The following SGCE variants were observed in gnomAD, a reference collection of about 807,000 sequenced individuals.
SGCE encodes the protein epsilon-sarcoglycan.
Under a neutral mutation model 57.8 loss-of-function variants are expected in SGCE, and 26 were observed. That is an observed-to-expected ratio of 0.45 (90% CI 0.33 to 0.62). The LOEUF is 0.62. Ranked by LOEUF, SGCE falls within the 20% of genes least tolerant of loss-of-function variation. SGCE has a pLI of 0.02. For missense variants in SGCE, 468 were observed against 548.6 expected (o/e 0.85, Z 1.47); for synonymous variants, 183 against 189.5 (o/e 0.97, Z 0.28).
At chr7:94,600,364 AAAAT>A in intron 7 of SGCE, 1 of 376,728 alleles carries the variant, frequency 2.7e-6, no homozygotes, top group Admixed American at 4.3e-5. Context: ...TTGTATAACC[AAAAT>A]ATCTAGCCTC....
intron 6 of SGCE, among the ~76,000 whole-genome samples, chr7:94,602,280 A>G (rs1799383284): frequency 6.6e-6 from 1 of 152,122 alleles, no homozygotes; most frequent in Non-Finnish European, 1.5e-5. Context: ...ATTTTACTTG[A>G]TTTAGGAAGG....
rs548775423 is a variant in SGCE at position 94,647,529 on chromosome 7, T to C, written c.109+8461A>G. Among the ~76,000 whole-genome samples the C allele has an allele frequency of 9.8e-5, 15 of 152,360 alleles. No individual in the cohort carries two copies. The South Asian group carries it at 1.2e-3, about 13-fold the overall frequency. On this transcript the variant is annotated intron_variant, in intron 1 of 10. Transcript: ENST00000648936. ...AAGTGCTCTTTTTGAAATGCAGATC[T>C]GATCATGTCCTGGTTAAATCCCTGC...
intron 5 of SGCE, among the ~76,000 whole-genome samples, chr7:94,605,820 ATATTT>A (rs1370051859): frequency 3.9e-5 from 6 of 152,050 alleles, no homozygotes; most frequent in African/African-American, 1.2e-4. Context: ...TAGTAGATTT[ATATTT>A]TATTTTATTT....
At chr7:94,613,697 TA>T (rs1801422195) in intron 5 of SGCE, among the ~76,000 whole-genome samples, 1 of 152,178 alleles carries the variant, frequency 6.6e-6, no homozygotes, top group Non-Finnish European at 1.5e-5. Context: ...AATAGCCAAA[TA>T]TATGGATCCA....
At chr7:94,604,855 ATAT>A (rs1562815606) in intron 5 of SGCE, among the ~76,000 whole-genome samples, 16 of 94,094 alleles carry the variant, frequency 1.7e-4, no homozygotes, top group African/African-American at 3.7e-4. Context: ...ATATATATAT[ATAT>A]AATAGTTGTT....
At chr7:94,627,032 A>C (rs1584685417) in intron 3 of SGCE, 1 of 152,196 alleles carries the variant, frequency 6.6e-6, no homozygotes, top group East Asian at 1.9e-4. Context: ...ATATTTAAAA[A>C]AATTAATTTG....
chr7:94,599,732 A>C lies in SGCE; in HGVS notation c.1038-9T>G, dbSNP rs1187065404. On this transcript the variant is annotated splice_polypyrimidine_tract_variant and intron_variant, in intron 7 of 10. Transcript: ENST00000648936. ...GCATGTTTCTCTTTTCCCTAGAAAC[A>C]AAACAAAATTTATGAATTAAATAAT... 1 of 1,579,434 alleles carries C rather than the reference A, an allele frequency of 6.3e-7. No individual in the cohort carries two copies. The highest frequency in any genetic ancestry group is 1.7e-5 in the Admixed American group (1 of 59,964).
At chr7:94,641,206 C>A (rs1806336338) in intron 1 of SGCE, among the ~76,000 whole-genome samples, 1 of 152,094 alleles carries the variant, frequency 6.6e-6, no homozygotes, top group African/African-American at 2.4e-5. Flanking sequence ...AGGATGAGAG[C>A]TTAGAAAAGA....
At chr7:94,648,376 C>CATAAAAAAAAAAAA (rs1807402021) in intron 1 of SGCE, among the ~76,000 whole-genome samples, 2 of 65,080 alleles carry the variant, frequency 3.1e-5, no homozygotes, top group Non-Finnish European at 5.5e-5. Context: ...ACTCTGTCTC[C>CATAAAAAAAAAAAA]AAAAAAAAAA....
intron 1 of SGCE, among the ~76,000 whole-genome samples, chr7:94,636,938 G>A (rs797004987): frequency 7.2e-5 from 11 of 151,882 alleles, no homozygotes; most frequent in African/African-American, 2.4e-4. Context: ...GGTGGTGGGT[G>A]CCTATAATCC....
chr7:94,631,212 C>T (rs1804667503), intron 1 of SGCE, among the ~76,000 whole-genome samples: 1 of 151,830 alleles, frequency 6.6e-6, no homozygotes, highest in Non-Finnish European at 1.5e-5. Flanking sequence ...TACTCAAGAA[C>T]AATGTACTTA....
intron 1 of SGCE, among the ~76,000 whole-genome samples, chr7:94,636,756 C>T (rs1294394701): frequency 6.6e-6 from 1 of 152,160 alleles, no homozygotes; most frequent in Non-Finnish European, 1.5e-5. Context: ...CATCCTACCG[C>T]TTTAGCTAAG....
At chr7:94,593,971 A>G (rs1798042759) in intron 9 of SGCE, among the ~76,000 whole-genome samples, 1 of 152,084 alleles carries the variant, frequency 6.6e-6, no homozygotes, top group Non-Finnish European at 1.5e-5. Flanking sequence ...ACCAGACTCC[A>G]AATTCCCATA....
intron 9 of SGCE, among the ~76,000 whole-genome samples, chr7:94,592,297 T>C (rs760777774): frequency 7.9e-5 from 12 of 152,204 alleles, no homozygotes; most frequent in Non-Finnish European, 1.2e-4. Context: ...ACTCTGCTAG[T>C]TAAGATGCAG....
At chr7:94,589,013 T>C (rs941616187) in intron 9 of SGCE, 13 of 428,830 alleles carry the variant, frequency 3.0e-5, no homozygotes, top group Admixed American at 2.4e-4. Context: ...ATTTTTCCCA[T>C]TTTATGGGTG....
intron 9 of SGCE, among the ~76,000 whole-genome samples, chr7:94,596,411 T>C (rs1798405287): frequency 6.6e-6 from 1 of 152,118 alleles, no homozygotes; most frequent in African/African-American, 2.4e-5. Context: ...TACAAACATA[T>C]TCAAGTTCCC....
intron 5 of SGCE, among the ~76,000 whole-genome samples, chr7:94,607,508 A>C (rs1266166776): frequency 6.6e-6 from 1 of 152,188 alleles, no homozygotes; most frequent in Non-Finnish European, 1.5e-5. Flanking sequence ...ACATCCAAAA[A>C]TCAGTTAATA....
intron 10 of SGCE, 85 bp downstream of exon 10, chr7:94,588,604 G>T: frequency 6.4e-7 from 1 of 1,554,526 alleles, no homozygotes; most frequent in South Asian, 1.1e-5. Flanking sequence ...TGAAGATAAA[G>T]CTTCATAAAT....
In SGCE at chr7:94,603,443, G is replaced by T; in HGVS notation, c.672C>A (p.Val224=). ...AAAACGGGACATCTGCACCAACCAT[G>T]ACATAAACGCTGTAAAAATGTGAAA... ...PINDLKEGVY[V]MVGADVPFSS... The change falls in exon 6 of 11, where the codon GTC becomes GTA. Residue 224 remains valine (V), a synonymous_variant. Transcript: ENST00000648936. 1 of 1,612,940 alleles carries T rather than the reference G, an allele frequency of 6.2e-7. No homozygotes were observed. The highest frequency in any genetic ancestry group is 1.1e-5 in the South Asian group (1 of 91,024).
Sources: allele counts gnomAD v4.1 joint callset (sites outside exome capture counted in the v4.1 genomes callset), GRCh38; gene constraint gnomAD v4.1.1; transcripts MANE v1.5; gene names NCBI Gene and HGNC (gene_info 2026-07-23, HGNC 2026-07-21).